The following CREB1 variants were observed in gnomAD, a reference collection of about 807,000 sequenced individuals.
The protein encoded by CREB1 is cAMP responsive element binding protein 1.
A neutral mutation model predicts 42.0 loss-of-function variants in CREB1; 2 were observed. The ratio of observed to expected loss-of-function variants is 0.05; its 90% CI spans 0.02 to 0.15. The LOEUF (loss-of-function observed/expected upper bound fraction) is 0.15, where lower values mean the gene tolerates loss of function less well. CREB1 is among the 10% of genes least tolerant of loss of function. CREB1 has a pLI of 1.00. For synonymous variants in CREB1, 123 were observed against 139.9 expected (o/e 0.88, Z 0.85); for missense variants, 199 against 388.9 (o/e 0.51, Z 4.11).
At chr2:207,593,521 C>A (rs547419061) in intron 7 of CREB1, among the ~76,000 whole-genome samples, 19 of 152,210 alleles carry the variant, frequency 1.2e-4, no homozygotes, top group Middle Eastern at 6.8e-3. Context: ...CAGAGCAAGA[C>A]CCCATCTCAA....
rs755412894 is a variant in CREB1, at chr2:207,596,893, C to T, written c.840-21C>T. ...TGTGGAAATCATTTGCATAATTTTT[C>T]CCGTCCTCTTTTGCTTGTAGGGAAG... On this transcript the variant is annotated intron_variant, in intron 7 of 7. Coordinates refer to ENST00000353267, the MANE Select transcript of CREB1 (RefSeq NM_004379.5). The T allele has an allele frequency of 1.9e-6, 3 of 1,587,062 alleles. No homozygotes were observed. In the East Asian group the frequency reaches 6.7e-5, roughly 36 times the overall value.
intron 7 of CREB1, among the ~76,000 whole-genome samples, chr2:207,580,472 A>G (rs188753870): frequency 6.6e-6 from 1 of 152,314 alleles, no homozygotes; most frequent in Admixed American, 6.5e-5. Flanking sequence ...CTGCACCCCC[A>G]GAGTCTCCAT....
chr2:207,590,153 G>T (rs1439270699), intron 7 of CREB1, among the ~76,000 whole-genome samples: 1 of 113,792 alleles, frequency 8.8e-6, no homozygotes. Flanking sequence ...AGTGAGTTTT[G>T]GAAGTTTGTG....
chr2:207,557,629 G>T (rs1482051008), intron 2 of CREB1, among the ~76,000 whole-genome samples: 1 of 152,122 alleles, frequency 6.6e-6, no homozygotes, highest in Non-Finnish European at 1.5e-5. Context: ...CTGCACTCCA[G>T]CCTGGGTGAC....
At chr2:207,592,911 C>CAAAAAAGAAGAA (rs1553509959) in intron 7 of CREB1, among the ~76,000 whole-genome samples, 1 of 145,122 alleles carries the variant, frequency 6.9e-6, no homozygotes, top group Non-Finnish European at 1.5e-5. Flanking sequence ...GACTCCATCT[C>CAAAAAAGAAGAA]AAAAAAGAAA....
intron 1 of CREB1, among the ~76,000 whole-genome samples, chr2:207,546,133 A>G (rs563364417): frequency 6.6e-6 from 1 of 152,208 alleles, no homozygotes. Context: ...ATACTTTACT[A>G]TGACAGTACT....
In CREB1 at chr2:207,598,028, A is replaced by T. The variant is rs1049863572; in HGVS notation, c.*970A>T. On this transcript the variant is annotated 3_prime_UTR_variant, in exon 8 of 8. Transcript: ENST00000353267. ...CTGTTGCCCATTGCACTTACATACC[A>T]CCACCAAGAAAGCCTTCAAGATGTC... 2 of 181,994 alleles carry T rather than the reference A, an allele frequency of 1.1e-5. No homozygotes were observed. Among genetic ancestry groups the T allele is most frequent in the African/African-American group, 4.7e-5 (2 of 42,496 alleles). The allele number at this position is 181,994 out of a possible 1,614,324, so 11.3% of individuals were successfully genotyped here.
At chr2:207,592,008 T>A (rs1040204516) in intron 7 of CREB1, among the ~76,000 whole-genome samples, 15 of 152,214 alleles carry the variant, frequency 9.9e-5, no homozygotes, top group African/African-American at 3.6e-4. Flanking sequence ...AAACTCTTTT[T>A]TACATTTCTT....
chr2:207,545,731 C>CTT (rs11356093), intron 1 of CREB1, among the ~76,000 whole-genome samples: 78 of 136,904 alleles, frequency 5.7e-4, no homozygotes, highest in African/African-American at 2.0e-3. Context: ...AGGAAGTGAA[C>CTT]TTTTTTTTTT....
chr2:207,587,253 C>T (rs1364750961), intron 7 of CREB1, among the ~76,000 whole-genome samples: 1 of 151,904 alleles, frequency 6.6e-6, no homozygotes, highest in Admixed American at 6.6e-5. Context: ...TTCAGCCAGG[C>T]ATGGTGGCGG....
intron 2 of CREB1, among the ~76,000 whole-genome samples, chr2:207,559,674 TTAG>T (rs2081879488): frequency 6.6e-6 from 1 of 152,228 alleles, no homozygotes; most frequent in African/African-American, 2.4e-5. Flanking sequence ...AGTTCTAGAC[TTAG>T]TAGGTCAGGT....
chr2:207,543,578 G>T (rs1314816425), intron 1 of CREB1, among the ~76,000 whole-genome samples: 1 of 151,852 alleles, frequency 6.6e-6, no homozygotes, highest in Non-Finnish European at 1.5e-5. Flanking sequence ...CAGGGTTTCT[G>T]TTTTATTAAT....
intron 3 of CREB1, chr2:207,561,273 C>A: frequency 1.1e-6 from 1 of 898,890 alleles, no homozygotes; most frequent in Non-Finnish European, 1.7e-6. Flanking sequence ...AACACTTGAA[C>A]AAAAACCTCA....
At chr2:207,540,844 TAAA>T (rs1397109892) in intron 1 of CREB1, among the ~76,000 whole-genome samples, 1 of 152,096 alleles carries the variant, frequency 6.6e-6, no homozygotes, top group Admixed American at 6.6e-5. Flanking sequence ...GTTGACAAGT[TAAA>T]AAAACTAAAA....
At chr2:207,583,850 G>A (rs925845491) in intron 7 of CREB1, among the ~76,000 whole-genome samples, 39 of 152,106 alleles carry the variant, frequency 2.6e-4, no homozygotes, top group African/African-American at 9.2e-4. Flanking sequence ...CTTCCCCCAC[G>A]CCCTGAAAAC....
At chr2:207,576,068 C>T (rs902587578) in intron 6 of CREB1, among the ~76,000 whole-genome samples, 11 of 151,288 alleles carry the variant, frequency 7.3e-5, no homozygotes, top group African/African-American at 2.7e-4. Flanking sequence ...CTCAAGCAAT[C>T]CTCCTTTCTC....
chr2:207,573,724 C>T (rs779437977), intron 5 of CREB1, among the ~76,000 whole-genome samples: 48 of 152,170 alleles, frequency 3.2e-4, no homozygotes, highest in Non-Finnish European at 5.7e-4. Context: ...CAGAACAAGA[C>T]CCTGTCTCAA....
intron 1 of CREB1, among the ~76,000 whole-genome samples, chr2:207,544,293 T>C (rs968827391): frequency 6.6e-6 from 1 of 152,208 alleles, no homozygotes; most frequent in African/African-American, 2.4e-5. Context: ...AAAAAATACA[T>C]TGATTTCATT....
rs190667442 is a variant in CREB1 at position 207,585,993 on chromosome 2, G to T, written c.839+8338G>T. On this transcript the variant is annotated intron_variant, in intron 7 of 7. Transcript: ENST00000353267. ...AAGACCTCCCATGTCTTGAGAGAGA[G>T]ATATATATCCAGATACAGGAAGGTC... is the stretch of plus-strand genomic sequence containing the variant. 7.2e-5 allele frequency among the ~76,000 whole-genome samples: 11 copies of T among 152,204 alleles called. No individual in the cohort carries two copies. In the East Asian group the frequency reaches 9.7e-4, roughly 13 times the overall value.
Sources: allele counts gnomAD v4.1 joint callset (sites outside exome capture counted in the v4.1 genomes callset), GRCh38; gene constraint gnomAD v4.1.1; transcripts MANE v1.5; gene names NCBI Gene and HGNC (gene_info 2026-07-23, HGNC 2026-07-21).